Variants in TUBB8 observed in about 807,000 individuals in gnomAD.
TUBB8 encodes tubulin beta-8 chain.
Under a neutral mutation model 33.7 loss-of-function variants are expected in TUBB8, and 25 were observed. That is an observed-to-expected ratio of 0.74 (90% CI 0.54 to 1.04). The LOEUF (loss-of-function observed/expected upper bound fraction) is 1.04. Among genes scored for constraint, TUBB8 ranks in the 50% least tolerant of loss-of-function variants. The probability of loss-of-function intolerance (pLI) is 0.00; values close to 1 mark genes in which losing one functional copy is unlikely to be tolerated. For synonymous variants in TUBB8, 245 were observed against 240.1 expected (o/e 1.02, Z -0.19); for missense variants, 279 against 608.0 (o/e 0.46, Z 5.69).
At chr10:74,625 CAAA>C (rs35723619), upstream of TUBB8, among the ~76,000 whole-genome samples, 93 of 89,654 alleles carry the variant, frequency 1.0e-3, no homozygotes, top group Non-Finnish European at 1.3e-3. Flanking sequence ...GACTCAGTAT[CAAA>C]AAAAAAAAAA....
chr10:69,154 G>T (rs1468546000), intron 1 of TUBB8, among the ~76,000 whole-genome samples: 33 of 152,164 alleles, frequency 2.2e-4, no homozygotes, highest in Non-Finnish European at 3.1e-4. Flanking sequence ...TTTTACAATG[G>T]ATTCCCACTG....
chr10:57,125 T>C (rs1554740211), intron 1 of TUBB8, among the ~76,000 whole-genome samples: 4 of 152,262 alleles, frequency 2.6e-5, no homozygotes, highest in African/African-American at 9.6e-5. Flanking sequence ...TTTGACTCTA[T>C]GTCCCATTTC....
upstream of TUBB8, among the ~76,000 whole-genome samples, chr10:53,500 G>T (rs1554739857): frequency 6.6e-6 from 1 of 152,106 alleles, no homozygotes; most frequent in African/African-American, 2.4e-5. Flanking sequence ...CAGATCATGA[G>T]CCTAAAGTAG....
chr10:74,927 T>G (rs1184348508), upstream of TUBB8, among the ~76,000 whole-genome samples: 12 of 144,230 alleles, frequency 8.3e-5, no homozygotes, highest in Non-Finnish European at 1.6e-4. Context: ...CAGGCTGGAG[T>G]GCAATGGCGC....
rs571285054 is a variant in TUBB8, at chr10:62,070, G to C, written c.-845-11837C>G. Among the ~76,000 whole-genome samples, 13 of 152,116 alleles carry C rather than the reference G, an allele frequency of 8.5e-5. No homozygotes were observed. In the South Asian group the frequency reaches 2.7e-3, roughly 32 times the overall value. On this transcript the variant is annotated intron_variant, in intron 1 of 3. Transcript: ENST00000564130. ...TCATCCACTATTTGTCTTTTGATTG[G>C]AGTATTTCATTCATGTACATTCAAT...
intron 1 of TUBB8, among the ~76,000 whole-genome samples, chr10:71,877 T>C (rs1834740689): frequency 6.6e-6 from 1 of 150,410 alleles, no homozygotes; most frequent in Admixed American, 6.7e-5. Flanking sequence ...ACCACCGCAC[T>C]CCAGCCTGGG....
At chr10:72,324 C>A (rs1442224337) in intron 1 of TUBB8, among the ~76,000 whole-genome samples, 18 of 148,336 alleles carry the variant, frequency 1.2e-4, no homozygotes, top group Non-Finnish European at 1.5e-5. Flanking sequence ...TATGGGAGGC[C>A]GAGGTGGGTG....
chr10:61,874 T>C (rs1480283061), intron 1 of TUBB8, among the ~76,000 whole-genome samples: 1 of 152,250 alleles, frequency 6.6e-6, no homozygotes, highest in Non-Finnish European at 1.5e-5. Context: ...TACAGTCTTT[T>C]GTTGAAATCT....
upstream of TUBB8, among the ~76,000 whole-genome samples, chr10:52,527 TA>T (rs1177755973): frequency 4.6e-5 from 7 of 152,272 alleles, no homozygotes; most frequent in Non-Finnish European, 1.0e-4. Context: ...TGTCTTTTGT[TA>T]GTGTCTCTAA....
chr10:68,511 C>G (rs1366827475), intron 1 of TUBB8, among the ~76,000 whole-genome samples: 3 of 152,264 alleles, frequency 2.0e-5, no homozygotes, highest in African/African-American at 4.8e-5. Flanking sequence ...ACAGCTTCCA[C>G]TGACCTGAAT....
chr10:56,533 G>A (rs1386862411), intron 1 of TUBB8, among the ~76,000 whole-genome samples: 1 of 152,246 alleles, frequency 6.6e-6, no homozygotes, highest in Admixed American at 6.5e-5. Context: ...CAATCAAGGT[G>A]AAAAATAAAT....
At chr10:65,883 C>A (rs1264344179) in intron 1 of TUBB8, among the ~76,000 whole-genome samples, 3 of 152,228 alleles carry the variant, frequency 2.0e-5, no homozygotes, top group Admixed American at 6.5e-5. Context: ...AAAGGAACAT[C>A]AAATAAACAG....
upstream of TUBB8, among the ~76,000 whole-genome samples, chr10:74,625 C>CAAAAA (rs35723619): frequency 1.2e-4 from 11 of 89,656 alleles, no homozygotes; most frequent in East Asian, 3.3e-4. Context: ...GACTCAGTAT[C>CAAAAA]AAAAAAAAAA....
Position 48,064 on chromosome 10 carries a change from C to A in TUBB8, c.328G>T (p.Ala110Ser), listed in dbSNP as rs145405488. The A allele has an allele frequency of 1.9e-6, 3 of 1,610,056 alleles. No individual in the cohort carries two copies. The highest frequency in any genetic ancestry group is 1.1e-5 in the South Asian group (1 of 90,966). Residue 110 changes from alanine to serine, a missense_variant, in exon 4 of 4, where the codon GCG (alanine) becomes TCG (serine). Coordinates refer to ENST00000568584, the MANE Select transcript of TUBB8 (RefSeq NM_177987.3). The stretch of plus-strand genomic sequence containing the variant: ...TCCATCACTGACTCCATCAGCTCCG[C>A]GCCTTCGGTGTAGTGTCCCTTGGCC... ...NWAKGHYTEGAELMESVMDVV... is the reference protein window; with the variant it reads ...NWAKGHYTEGSELMESVMDVV...
At chr10:68,333 C>G (rs1834697075) in intron 1 of TUBB8, among the ~76,000 whole-genome samples, 1 of 152,134 alleles carries the variant, frequency 6.6e-6, no homozygotes, top group African/African-American at 2.4e-5. Flanking sequence ...TGATGGGACA[C>G]CTGCAATACT....
upstream of TUBB8, chr10:49,736 C>G (rs1431121626): frequency 8.0e-6 from 3 of 373,354 alleles, no homozygotes; most frequent in Non-Finnish European, 1.6e-5. Flanking sequence ...TACTTTGGAG[C>G]AGTTCTAACC....
chr10:48,538 G>C (rs1834404026), intron 3 of TUBB8, 77 bp downstream of exon 3: 1 of 1,392,958 alleles, frequency 7.2e-7, no homozygotes, highest in African/African-American at 1.4e-5. Context: ...AGTTCCCAGA[G>C]GATGACCTTA....
chr10:51,143 A>C, upstream of TUBB8, among the ~76,000 whole-genome samples: 1 of 152,022 alleles, frequency 6.6e-6, no homozygotes, highest in East Asian at 1.9e-4. Flanking sequence ...TTATTTATTT[A>C]TTTATTTTTG....
intron 1 of TUBB8, among the ~76,000 whole-genome samples, chr10:64,789 C>T (rs1443929034): frequency 6.6e-6 from 1 of 152,132 alleles, no homozygotes; most frequent in Non-Finnish European, 1.5e-5. Flanking sequence ...AAGTTGCTTA[C>T]ACTGACTAAT....
Sources: gnomAD v4.1 joint callset for allele counts (sites outside exome capture counted in the v4.1 genomes callset) on GRCh38, gnomAD v4.1.1 for gene constraint, MANE v1.5 for transcripts, NCBI Gene and HGNC (gene_info 2026-07-23, HGNC 2026-07-21) for gene names.